OR2A5: variants seen among roughly 807,000 people sequenced by gnomAD.
OR2A5 encodes olfactory receptor 2A5.
A neutral mutation model predicts 1.9 loss-of-function variants in OR2A5; 2 were observed. The ratio of observed to expected loss-of-function variants is 1.04; its 90% CI spans 0.43 to 3.28. The LOEUF (loss-of-function observed/expected upper bound fraction) is 3.28. Ranked by LOEUF, OR2A5 falls within the 30% of genes most tolerant of loss-of-function variation. The pLI, the probability that OR2A5 is intolerant of heterozygous loss-of-function variation, is 0.08. For synonymous variants in OR2A5, 160 were observed against 154.5 expected, an observed-to-expected ratio of 1.04 and a Z score of -0.26; for missense variants, 391 against 375.9, an observed-to-expected ratio of 1.04 and a Z score of -0.33.
rs201720488 is a variant in OR2A5, at chr7:144,050,503, C to T, written c.102C>T (p.Tyr34=). ...MLLSGLFSLL[Y]VFTLLGNGAI... is the part of the protein sequence containing the mutation. ...TCTCTGGGCTTTTCTCCCTGTTATA[C>T]GTCTTCACCCTGCTGGGAAATGGGG... The change falls in exon 2 of 2, where the codon TAC becomes TAT. Residue 34 remains tyrosine (Y), a synonymous_variant. Transcript: ENST00000641693. The T allele has an allele frequency of 1.6e-5, 25 of 1,604,536 alleles. No homozygotes were observed. Among genetic ancestry groups the T allele is most frequent in the East Asian group, 8.9e-5 (4 of 44,858 alleles).
Position 144,050,549 on chromosome 7 carries a change from C to T in OR2A5, c.148C>T (p.Leu50=). The T allele has an allele frequency of 1.2e-6, 2 of 1,609,652 alleles. No individual in the cohort carries two copies. The highest frequency in any genetic ancestry group is 1.7e-6 in the Non-Finnish European group (2 of 1,177,668). Residue 50 remains leucine, a synonymous_variant, in exon 2 of 2, where the codon CTG becomes TTG. Coordinates refer to ENST00000641693, the MANE Select transcript of OR2A5 (RefSeq NM_012365.2). The part of the protein sequence containing the change: ...GNGAILGLIW[L]DSRLHTPMYF... ...TGGGGCCATCCTGGGGCTCATCTGG[C>T]TGGACTCCAGACTGCACACCCCCAT... is the stretch of plus-strand genomic sequence containing the variant.
In OR2A5 at chr7:144,057,610, A is replaced by C. The variant is rs1049670022; in HGVS notation, c.*6273A>C. 1.3e-5 allele frequency: 2 copies of C among 152,200 alleles called. No individual in the cohort carries two copies. The highest frequency in any genetic ancestry group is 4.8e-5 in the African/African-American group (2 of 41,454). 9.4% of individuals were successfully genotyped at this position (152,200 alleles called of 1,614,324 possible). On this transcript the variant is annotated 3_prime_UTR_variant, in exon 2 of 2. Transcript: ENST00000641693. ...AGGATTAGGAAAACTGTTACTCTAC[A>C]ATTTCACACACAGTTAAACTGTAAT...
rs1170883215 is a variant in OR2A5 at position 144,054,738 on chromosome 7, A to T, written c.*3401A>T. The T allele has an allele frequency of 2.6e-5, 4 of 152,244 alleles. No individual in the cohort carries two copies. Among genetic ancestry groups the T allele is most frequent in the Non-Finnish European group, 4.4e-5 (3 of 68,042 alleles). The allele number at this position is 152,244 out of a possible 1,614,324, so 9.4% of individuals were successfully genotyped here. Reference sequence around the variant, plus strand: ...CATTCTCTATATAGCTTCAATTCGAAAAGGATTCTTGAGATAGCATCCAGA... The same window carrying T: ...CATTCTCTATATAGCTTCAATTCGATAAGGATTCTTGAGATAGCATCCAGA... On this transcript the variant is annotated 3_prime_UTR_variant, in exon 2 of 2. Transcript: ENST00000641693.
chr7:144,050,927 C>A lies in OR2A5; in HGVS notation c.526C>A (p.His176Asn). 6.2e-7 allele frequency: 1 copy of A among 1,614,184 alleles called. No individual in the cohort carries two copies. The highest frequency in any genetic ancestry group is 1.1e-5 in the South Asian group (1 of 91,072). ...CTTCTGTGGGCCCCATGAAATCAAC[C>A]ACTTCTTCTGTGAAATCCTGTCTGT... ...LPFCGPHEIN[H>N]FFCEILSVLK... The change falls in exon 2 of 2, where the codon CAC (histidine) becomes AAC (asparagine). Residue 176 changes from histidine to asparagine, a missense_variant. Coordinates refer to ENST00000641693, the MANE Select transcript of OR2A5 (RefSeq NM_012365.2).
rs747556736 is a variant in OR2A5 at position 144,051,244 on chromosome 7, CA to C, written c.845del (p.Asn282ThrfsTer4). 3 of 1,613,958 alleles carry C rather than the reference CA, an allele frequency of 1.9e-6. No homozygotes were observed. The South Asian group carries it at 3.3e-5, about 18-fold the overall frequency. ...KVLSLFYSLF[N>X]PMLNPLIYSL... ...TCCTTTCCCTGTTTTACAGCCTTTTCAACCCGATGCTGAACCCCTTGATCTA... is the reference window on the plus strand; with the variant it reads ...TCCTTTCCCTGTTTTACAGCCTTTTCACCCGATGCTGAACCCCTTGATCTA... On this transcript the variant is annotated frameshift_variant, in exon 2 of 2. Coordinates refer to ENST00000641693, the MANE Select transcript of OR2A5 (RefSeq NM_012365.2). LOFTEE classifies it high-confidence loss of function.
Position 144,050,986 on chromosome 7 carries a change from C to A in OR2A5, c.585C>A (p.Asn195Lys). ...LKLACADTWL[N>K]QVVIFAASVF... Reference sequence around the variant, plus strand: ...TGGCCTGTGCTGACACCTGGCTCAACCAGGTGGTCATCTTTGCTGCTTCAG... The same window carrying A: ...TGGCCTGTGCTGACACCTGGCTCAAACAGGTGGTCATCTTTGCTGCTTCAG... The change falls in exon 2 of 2, where the codon AAC becomes AAA. Residue 195 changes from asparagine to lysine, a missense_variant. Coordinates refer to ENST00000641693, the MANE Select transcript of OR2A5 (RefSeq NM_012365.2). 1.2e-6 allele frequency: 2 copies of A among 1,614,216 alleles called. No individual in the cohort carries two copies. The highest frequency in any genetic ancestry group is 1.7e-6 in the Non-Finnish European group (2 of 1,180,038).
Position 144,051,133 on chromosome 7 carries a change from C to A in OR2A5, c.732C>A (p.His244Gln). 1 of 1,614,230 alleles carries A rather than the reference C, an allele frequency of 6.2e-7. No individual in the cohort carries two copies. The highest frequency in any genetic ancestry group is 8.5e-7 in the Non-Finnish European group (1 of 1,180,050). ...RRKAFSTCSS[H>Q]LCMVGLFFGS... ...AGGCCTTCTCCACCTGCTCCTCCCA[C>A]CTTTGCATGGTGGGACTCTTCTTTG... Residue 244 changes from histidine (H) to glutamine (Q), a missense_variant, in exon 2 of 2, where the codon CAC becomes CAA. His to Gln is a conservative substitution (Grantham distance 24). Transcript: ENST00000641693.
Position 144,052,069 on chromosome 7 carries a change from C to T in OR2A5, c.*732C>T, listed in dbSNP as rs957180464. 23 of 151,964 alleles carry T rather than the reference C, an allele frequency of 1.5e-4. No individual in the cohort carries two copies. The highest frequency in any genetic ancestry group is 2.5e-4 in the Non-Finnish European group (17 of 68,000). The allele number at this position is 151,964 out of a possible 1,614,324, so 9.4% of individuals were successfully genotyped here. A position where few individuals can be genotyped will look rare whatever the true frequency, so the allele number is the denominator to read the frequency against. Reference sequence around the variant, plus strand: ...TTTTTCATAATTCAGATCGCAAAGCCGGGTGTAGGTGACAATTTATCATTA... The same window carrying T: ...TTTTTCATAATTCAGATCGCAAAGCTGGGTGTAGGTGACAATTTATCATTA... On this transcript the variant is annotated 3_prime_UTR_variant, in exon 2 of 2. Coordinates refer to ENST00000641693, the MANE Select transcript of OR2A5 (RefSeq NM_012365.2).
rs1192026518 is a variant in OR2A5 at position 144,058,592 on chromosome 7, G to C, written c.*7255G>C. On this transcript the variant is annotated 3_prime_UTR_variant, in exon 2 of 2. Coordinates refer to ENST00000641693, the MANE Select transcript of OR2A5 (RefSeq NM_012365.2). ...CAGAAGAACTGCCAAGCAAAGCAGG[G>C]AAAGCCTTTTAAAAAACCATCAGAT... is the stretch of plus-strand genomic sequence containing the variant. The C allele has an allele frequency of 1.3e-5, 2 of 152,200 alleles. No homozygotes were observed. Among genetic ancestry groups the C allele is most frequent in the African/African-American group, 4.8e-5 (2 of 41,416 alleles). The allele number at this position is 152,200 out of a possible 1,614,324, so 9.4% of individuals were successfully genotyped here.
At chr7:144,049,691 A>G (rs1160603977) in intron 1 of OR2A5, among the ~76,000 whole-genome samples, 1 of 152,236 alleles carries the variant, frequency 6.6e-6, no homozygotes. Context: ...AAATGACTTC[A>G]GTGAATGCTT....
At position 144,055,222 on chromosome 7, in the gene OR2A5, G is replaced by C. The variant is rs1019843696; in HGVS notation, c.*3885G>C. The C allele has an allele frequency of 6.6e-6, 1 of 151,938 alleles. No individual in the cohort carries two copies. The highest frequency in any genetic ancestry group is 1.5e-5 in the Non-Finnish European group (1 of 67,988). The allele number at this position is 151,938 out of a possible 1,614,324, so 9.4% of individuals were successfully genotyped here. A position where few individuals can be genotyped will look rare whatever the true frequency, so the allele number is the denominator to read the frequency against. On this transcript the variant is annotated 3_prime_UTR_variant, in exon 2 of 2. Transcript: ENST00000641693. ...AAAATACCCTAGAATCAAAAAGTAGGTTTACATAAAAGTGGAATTAACATC... is the reference window on the plus strand; with the variant it reads ...AAAATACCCTAGAATCAAAAAGTAGCTTTACATAAAAGTGGAATTAACATC...
Position 144,051,307 on chromosome 7 carries a change from A to G in OR2A5, c.906A>G (p.Lys302=), listed in dbSNP as rs375263872. 85 of 1,611,648 alleles carry G rather than the reference A, an allele frequency of 5.3e-5. No homozygotes were observed. The South Asian group carries it at 8.6e-4, about 16-fold the overall frequency. ...LRNAEVKGAL[K]RVLWKQRSK ...ACGCAGAGGTCAAGGGTGCCCTGAA[A>G]AGAGTGTTGTGGAAACAGAGATCAA... Residue 302 remains lysine, a synonymous_variant, in exon 2 of 2, where the codon AAA becomes AAG. Coordinates refer to ENST00000641693, the MANE Select transcript of OR2A5 (RefSeq NM_012365.2).
rs548917433 is a variant in OR2A5 at position 144,052,095 on chromosome 7, C to G, written c.*758C>G. 1 of 152,066 alleles carries G rather than the reference C, an allele frequency of 6.6e-6. No individual in the cohort carries two copies. The highest frequency in any genetic ancestry group is 2.4e-5 in the African/African-American group (1 of 41,402). 9.4% of individuals were successfully genotyped at this position (152,066 alleles called of 1,614,324 possible). A position where few individuals can be genotyped will look rare whatever the true frequency, so the allele number is the denominator to read the frequency against. On this transcript the variant is annotated 3_prime_UTR_variant, in exon 2 of 2. Transcript: ENST00000641693. ...GGGTGTAGGTGACAATTTATCATTA[C>G]GGTGATTACATAAAATATTGTAGTA...
In OR2A5 at chr7:144,053,064, T is replaced by G. The variant is rs1429102704; in HGVS notation, c.*1727T>G. ...TAAGCAATAGATTTGGATTCAGAAT[T>G]TTTTTACCTAGGGTACAGTGGAAAA... is the stretch of plus-strand genomic sequence containing the variant. On this transcript the variant is annotated 3_prime_UTR_variant, in exon 2 of 2. Coordinates refer to ENST00000641693, the MANE Select transcript of OR2A5 (RefSeq NM_012365.2). 5 of 152,114 alleles carry G rather than the reference T, an allele frequency of 3.3e-5. No individual in the cohort carries two copies. The highest frequency in any genetic ancestry group is 1.2e-4 in the African/African-American group (5 of 41,424). 9.4% of individuals were successfully genotyped at this position (152,114 alleles called of 1,614,324 possible). A position where few individuals can be genotyped will look rare whatever the true frequency, so the allele number is the denominator to read the frequency against.
rs192544715 is a variant in OR2A5, at chr7:144,055,353, T to C, written c.*4016T>C. On this transcript the variant is annotated 3_prime_UTR_variant, in exon 2 of 2. Coordinates refer to ENST00000641693, the MANE Select transcript of OR2A5 (RefSeq NM_012365.2). The stretch of plus-strand genomic sequence containing the variant: ...AGAAACATAAAGGTTGAGTAAAATA[T>C]AAATACGTTGAACAGGCATTTGCAA... The C allele has an allele frequency of 1.3e-5, 2 of 152,332 alleles. No individual in the cohort carries two copies. Among genetic ancestry groups the C allele is most frequent in the Admixed American group, 1.3e-4 (2 of 15,300 alleles). The allele number at this position is 152,332 out of a possible 1,614,324, so 9.4% of individuals were successfully genotyped here.
At position 144,055,383 on chromosome 7, in the gene OR2A5, G is replaced by T. The variant is rs2050931805; in HGVS notation, c.*4046G>T. On this transcript the variant is annotated 3_prime_UTR_variant, in exon 2 of 2. Transcript: ENST00000641693. ...ACGTTGAACAGGCATTTGCAATAGA[G>T]TCTTTCCAATGTCTCTTCAATCTTG... 6.6e-6 allele frequency: 1 copy of T among 152,168 alleles called. No homozygotes were observed. The highest frequency in any genetic ancestry group is 2.1e-4 in the South Asian group (1 of 4,828). The allele number at this position is 152,168 out of a possible 1,614,324, so 9.4% of individuals were successfully genotyped here.
rs372476887 is a variant in OR2A5 at position 144,050,766 on chromosome 7, G to A, written c.365G>A (p.Arg122Gln). The A allele has an allele frequency of 1.2e-4, 198 of 1,614,092 alleles. No individual in the cohort carries two copies. The highest frequency in any genetic ancestry group is 1.1e-3 in the South Asian group (102 of 91,082). The change falls in exon 2 of 2, where the codon CGG (arginine) becomes CAG (glutamine). Residue 122 changes from arginine to glutamine, a missense_variant. Physicochemically the swap from Arg to Gln is conservative, Grantham distance 43. Transcript: ENST00000641693. The stretch of plus-strand genomic sequence containing the variant: ...ATCTTGGTAATGATGTCCTACGATC[G>A]GTACATGGCTATCTGCCACCCTCTG... ...CLILVMMSYD[R>Q]YMAICHPLQY...
Position 144,050,423 on chromosome 7 carries a change from G to A in OR2A5, c.22G>A (p.Val8Ile), listed in dbSNP as rs748406411. ...GGGCATGACAAAAAATCAGACATGG[G>A]TCACAGAATTCATTCTCCTGGGATT... MTKNQTW[V>I]TEFILLGFPL... Residue 8 changes from valine to isoleucine, a missense_variant, in exon 2 of 2, where the codon GTC becomes ATC. Physicochemically the swap from Val to Ile is conservative, Grantham distance 29 (BLOSUM62 3). Transcript: ENST00000641693. The A allele has an allele frequency of 3.2e-6, 5 of 1,540,470 alleles. No homozygotes were observed. The highest frequency in any genetic ancestry group is 2.6e-5 in the South Asian group (2 of 76,766).
Position 144,050,617 on chromosome 7 carries a change from T to G in OR2A5, c.216T>G (p.Tyr72Ter). Residue 72 changes from tyrosine to a stop codon, truncating the protein, a stop_gained, in exon 2 of 2, where the codon TAT (tyrosine) becomes TAG (stop). Coordinates refer to ENST00000641693, the MANE Select transcript of OR2A5 (RefSeq NM_012365.2). LOFTEE classifies it low-confidence loss of function (END_TRUNC). ...ACCTGGCCATCATTGATATTTCGTATGCTTCCAACAATGTCCCCAAGATGC... is the reference window on the plus strand; with the variant it reads ...ACCTGGCCATCATTGATATTTCGTAGGCTTCCAACAATGTCCCCAAGATGC... ...LSHLAIIDISYASNNVPKMLT... is the reference protein window; with the variant it reads ...LSHLAIIDIS 6.2e-7 allele frequency: 1 copy of G among 1,613,118 alleles called. No individual in the cohort carries two copies.
Sources: gnomAD v4.1 joint callset for allele counts (sites outside exome capture counted in the v4.1 genomes callset) on GRCh38, gnomAD v4.1.1 for gene constraint, MANE v1.5 for transcripts, NCBI Gene and HGNC (gene_info 2026-07-23, HGNC 2026-07-21) for gene names.